AGBL4: variants seen among roughly 807,000 people sequenced by gnomAD.
AGBL4 encodes cytosolic carboxypeptidase 6.
AGBL4 carries 58 observed loss-of-function variants against 66.4 expected under a neutral mutation model. That is an observed-to-expected ratio of 0.87 (90% CI 0.71 to 1.09). AGBL4 has a LOEUF of 1.09. Among genes scored for constraint, AGBL4 ranks in the 50% least tolerant of loss-of-function variants. The probability of loss-of-function intolerance (pLI) is 0.00; values close to 1 mark genes in which losing one functional copy is unlikely to be tolerated. For synonymous variants in AGBL4, 234 were observed against 222.9 expected, an observed-to-expected ratio of 1.05 and a Z score of -0.44; for missense variants, 579 against 631.0, an observed-to-expected ratio of 0.92 and a Z score of 0.88.
chr1:49,231,097 A>C (rs906274248), intron 4 of AGBL4, among the ~76,000 whole-genome samples: 7 of 152,216 alleles, frequency 4.6e-5, no homozygotes, highest in African/African-American at 1.4e-4. Context: ...AGTAATTCTT[A>C]TAGCTACAAT....
intron 1 of AGBL4, among the ~76,000 whole-genome samples, chr1:49,910,169 C>T (rs1270229153): frequency 6.6e-6 from 1 of 152,022 alleles, no homozygotes; most frequent in East Asian, 1.9e-4. Context: ...GTTTAAGGTT[C>T]AGGAAAATGA....
At chr1:48,843,656 A>G (rs1194235801) in intron 6 of AGBL4, among the ~76,000 whole-genome samples, 1 of 152,188 alleles carries the variant, frequency 6.6e-6, no homozygotes, top group Non-Finnish European at 1.5e-5. Context: ...AGTGGAAACA[A>G]AAAATTCCAA....
chr1:49,526,128 C>T (rs1360378698), intron 3 of AGBL4, among the ~76,000 whole-genome samples: 1 of 151,746 alleles, frequency 6.6e-6, no homozygotes, highest in Non-Finnish European at 1.5e-5. Flanking sequence ...AACCATTAGG[C>T]CCCTGCCTTA....
chr1:49,619,839 G>C (rs934667351), intron 3 of AGBL4, among the ~76,000 whole-genome samples: 1 of 152,004 alleles, frequency 6.6e-6, no homozygotes, highest in Non-Finnish European at 1.5e-5. Flanking sequence ...CATCTGATCT[G>C]CGACAAACCT....
intron 6 of AGBL4, among the ~76,000 whole-genome samples, chr1:48,846,411 AAGAAAGAAAG>A (rs1243786749): frequency 1.4e-5 from 2 of 148,016 alleles, no homozygotes; most frequent in Non-Finnish European, 2.9e-5. Flanking sequence ...GAAAGAAAGA[AAGAAAGAAAG>A]AAATTCATTT....
rs111495699 is a variant in AGBL4, at chr1:50,001,331, G to A, written c.34+22432C>T. Reference sequence around the variant, plus strand: ...TAAGAGATAAAGCCTGATAGTAGAAGAGTGACTTTATGAAAGTAGAAGGAA... The same window carrying A: ...TAAGAGATAAAGCCTGATAGTAGAAAAGTGACTTTATGAAAGTAGAAGGAA... On this transcript the variant is annotated intron_variant, in intron 1 of 13. Coordinates refer to ENST00000371839, the MANE Select transcript of AGBL4 (RefSeq NM_032785.4). Among the ~76,000 whole-genome samples, 671 of 151,494 alleles carry A rather than the reference G, an allele frequency of 4.4e-3. 9 individuals are homozygous for A. The highest frequency in any genetic ancestry group is 0.015 in the African/African-American group (629 of 41,428).
At chr1:48,935,829 G>T (rs1655408215) in intron 5 of AGBL4, among the ~76,000 whole-genome samples, 1 of 151,190 alleles carries the variant, frequency 6.6e-6, no homozygotes. Context: ...CGTGGTAGCA[G>T]GCACCTGTGA....
intron 7 of AGBL4, among the ~76,000 whole-genome samples, chr1:48,662,577 G>A (rs320006): frequency 0.52 from 78,607 of 152,038 alleles, 21,386 homozygotes; most frequent in Middle Eastern, 0.65. Flanking sequence ...TGTAGTATGG[G>A]TGAAATATGT....
chr1:49,394,542 A>G (rs1355180104), intron 3 of AGBL4, among the ~76,000 whole-genome samples: 1 of 152,116 alleles, frequency 6.6e-6, no homozygotes, highest in Admixed American at 6.6e-5. Flanking sequence ...ATGAATGGTT[A>G]ATATTTTAAA....
chr1:48,535,148 A>T (rs779034991), intron 12 of AGBL4, among the ~76,000 whole-genome samples: 1 of 152,106 alleles, frequency 6.6e-6, no homozygotes, highest in Admixed American at 6.5e-5. Context: ...GAGGCTAGAG[A>T]GGACAGTGAA....
At chr1:48,690,998 C>G (rs1646621335) in intron 6 of AGBL4, among the ~76,000 whole-genome samples, 1 of 151,888 alleles carries the variant, frequency 6.6e-6, no homozygotes, top group Non-Finnish European at 1.5e-5. Context: ...AACCCCGTCT[C>G]TACTAAAAAT....
At chr1:49,009,767 A>C (rs1425490029) in intron 5 of AGBL4, among the ~76,000 whole-genome samples, 4 of 152,064 alleles carry the variant, frequency 2.6e-5, no homozygotes, top group Admixed American at 6.5e-5. Flanking sequence ...AACAGAGCCA[A>C]AGACAAAAAC....
At chr1:48,832,881 T>C (rs1351112576) in intron 6 of AGBL4, among the ~76,000 whole-genome samples, 1 of 152,194 alleles carries the variant, frequency 6.6e-6, no homozygotes, top group African/African-American at 2.4e-5. Context: ...CCATTGGCTG[T>C]CCTGGTTCTC....
chr1:49,897,684 C>A (rs1409716749), intron 1 of AGBL4, among the ~76,000 whole-genome samples: 2 of 152,050 alleles, frequency 1.3e-5, no homozygotes, highest in African/African-American at 4.8e-5. Flanking sequence ...GGAGGAATCA[C>A]ATTACCTGAC....
chr1:49,332,595 T>C (rs1037791385), intron 3 of AGBL4, among the ~76,000 whole-genome samples: 2 of 152,198 alleles, frequency 1.3e-5, no homozygotes, highest in African/African-American at 4.8e-5. Context: ...GATATTCTCA[T>C]TGTGGAATAA....
intron 6 of AGBL4, among the ~76,000 whole-genome samples, chr1:48,845,724 T>TTAAG (rs1429782191): frequency 6.6e-6 from 1 of 152,152 alleles, no homozygotes; most frequent in Admixed American, 6.5e-5. Context: ...AGTATAGCAG[T>TTAAG]TAAGAGTAAA....
At chr1:49,200,556 T>C (rs1442551520) in intron 4 of AGBL4, among the ~76,000 whole-genome samples, 1 of 152,206 alleles carries the variant, frequency 6.6e-6, no homozygotes, top group African/African-American at 2.4e-5. Flanking sequence ...CCTGCACTTC[T>C]GACTGACTGG....
intron 3 of AGBL4, among the ~76,000 whole-genome samples, chr1:49,421,338 G>C (rs1049416211): frequency 6.8e-6 from 1 of 147,086 alleles, no homozygotes; most frequent in African/African-American, 2.5e-5. Flanking sequence ...TGTCTTCAAA[G>C]AACTTTCAGT....
chr1:49,934,052 A>C (rs1343669152), intron 1 of AGBL4, among the ~76,000 whole-genome samples: 3 of 152,162 alleles, frequency 2.0e-5, no homozygotes, highest in African/African-American at 7.2e-5. Context: ...TGGGCTGAAA[A>C]TGAAGGCATA....
Sources: allele counts gnomAD v4.1 joint callset (sites outside exome capture counted in the v4.1 genomes callset), GRCh38; gene constraint gnomAD v4.1.1; transcripts MANE v1.5; gene names NCBI Gene and HGNC (gene_info 2026-07-23, HGNC 2026-07-21).